Variants in EYS observed in about 807,000 individuals in gnomAD.
The protein encoded by EYS is protein eyes shut homolog.
Under a neutral mutation model 282.1 loss-of-function variants are expected in EYS, and 250 were observed. The ratio of observed to expected loss-of-function variants is 0.89; its 90% CI spans 0.80 to 0.98. EYS has a LOEUF of 0.98. Among genes scored for constraint, EYS ranks in the 50% least tolerant of loss-of-function variants. EYS has a pLI of 0.00. For missense variants in EYS, 4,016 were observed against 3,709.0 expected (o/e 1.08, Z -2.15); for synonymous variants, 1,355 against 1,282.9 (o/e 1.06, Z -1.20).
intron 5 of EYS, among the ~76,000 whole-genome samples, chr6:65,468,995 T>C (rs1765107789): frequency 6.6e-6 from 1 of 152,132 alleles, no homozygotes; most frequent in Non-Finnish European, 1.5e-5. Context: ...TGAATTTTTC[T>C]GTGAAACAAA....
In EYS at chr6:64,097,474, C is replaced by T. The variant is rs564361205; in HGVS notation, c.6425-15472G>A. The stretch of plus-strand genomic sequence containing the variant: ...GTTGCGGAGGCCCCTCCCTCAGCCT[C>T]GCTTCTACCTTGCAGTTTGATCTCA... On this transcript the variant is annotated intron_variant, in intron 31 of 42. Transcript: ENST00000503581. Among the ~76,000 whole-genome samples the T allele has an allele frequency of 3.9e-5, 6 of 152,262 alleles. No homozygotes were observed. In the South Asian group the frequency reaches 8.3e-4, roughly 21 times the overall value.
At chr6:64,525,782 G>T (rs1777898151) in intron 26 of EYS, among the ~76,000 whole-genome samples, 1 of 151,660 alleles carries the variant, frequency 6.6e-6, no homozygotes, top group Admixed American at 6.6e-5. Flanking sequence ...ATGTAAACAG[G>T]TACAGTCACT....
At chr6:65,070,654 G>A (rs974216780) in intron 12 of EYS, among the ~76,000 whole-genome samples, 1 of 151,714 alleles carries the variant, frequency 6.6e-6, no homozygotes. Flanking sequence ...CATTCTAGAT[G>A]AGACTTATTT....
rs1771905044 is a variant in EYS at position 65,012,492 on chromosome 6, C to T, written c.2138-14789G>A. On this transcript the variant is annotated intron_variant, in intron 13 of 42. Coordinates refer to ENST00000503581, the MANE Select transcript of EYS (RefSeq NM_001142800.2). ...GAAAATATACAGTCATCATTAAGTC[C>T]TTGAACTGCTTGGGTTTTCTCAGTA... 2.0e-5 allele frequency among the ~76,000 whole-genome samples: 3 copies of T among 152,132 alleles called. No homozygotes were observed. In the South Asian group the frequency reaches 6.2e-4, roughly 31 times the overall value.
intron 30 of EYS, among the ~76,000 whole-genome samples, chr6:64,242,823 T>C (rs1284202946): frequency 6.8e-6 from 1 of 147,294 alleles, no homozygotes; most frequent in African/African-American, 2.5e-5. Flanking sequence ...TTCAAGTTTT[T>C]AATATATATA....
chr6:64,027,775 G>T (rs1769604705), intron 33 of EYS, among the ~76,000 whole-genome samples: 1 of 152,160 alleles, frequency 6.6e-6, no homozygotes, highest in Non-Finnish European at 1.5e-5. Context: ...AGTTTCCCTG[G>T]GACAGAAGCC....
intron 13 of EYS, among the ~76,000 whole-genome samples, chr6:65,013,822 G>A (rs1278173114): frequency 6.6e-6 from 1 of 152,126 alleles, no homozygotes; most frequent in African/African-American, 2.4e-5. Context: ...CTGTGATTGA[G>A]CCACTGCATT....
intron 5 of EYS, among the ~76,000 whole-genome samples, chr6:65,442,157 C>G (rs896042800): frequency 2.0e-5 from 3 of 151,782 alleles, no homozygotes; most frequent in African/African-American, 7.3e-5. Flanking sequence ...TATAATTTTT[C>G]TAATAATTAG....
chr6:64,784,684 T>G (rs1460218981), intron 22 of EYS, among the ~76,000 whole-genome samples: 2 of 152,190 alleles, frequency 1.3e-5, no homozygotes, highest in Non-Finnish European at 2.9e-5. Context: ...TTGTTGTTGT[T>G]TGGATTTCTA....
chr6:65,513,014 A>G (rs1766958934), intron 2 of EYS, among the ~76,000 whole-genome samples: 1 of 152,210 alleles, frequency 6.6e-6, no homozygotes, highest in South Asian at 2.1e-4. Context: ...GGTTTTTTGA[A>G]AGGATCAACA....
At chr6:64,582,299 C>A (rs563157875) in intron 26 of EYS, among the ~76,000 whole-genome samples, 109 of 152,226 alleles carry the variant, frequency 7.2e-4, no homozygotes, top group African/African-American at 2.5e-3. Context: ...TGGAGGTGAA[C>A]CCCGTTGTGA....
rs181677088 is a variant in EYS at position 64,130,087 on chromosome 6, C to T, written c.6425-48085G>A. On this transcript the variant is annotated intron_variant, in intron 31 of 42. Coordinates refer to ENST00000503581, the MANE Select transcript of EYS (RefSeq NM_001142800.2). ...GTGATGCCTCCAGCTCCTCAGGGAT[C>T]TAGAACTGGAAATACCATTTGACCC... is the stretch of plus-strand genomic sequence containing the variant. Among the ~76,000 whole-genome samples, 610 of 152,256 alleles carry T rather than the reference C, an allele frequency of 4.0e-3. 4 individuals carry two copies. The highest frequency in any genetic ancestry group is 6.4e-3 in the Non-Finnish European group (434 of 68,018).
chr6:64,564,341 G>A (rs1330893558), intron 26 of EYS, among the ~76,000 whole-genome samples: 2 of 140,242 alleles, frequency 1.4e-5, no homozygotes, highest in East Asian at 4.2e-4. Flanking sequence ...CAGTGGCGTG[G>A]ATCTCGGCTC....
intron 13 of EYS, among the ~76,000 whole-genome samples, chr6:65,010,129 A>G (rs2150132700): frequency 6.6e-6 from 1 of 152,352 alleles, no homozygotes; most frequent in African/African-American, 2.4e-5. Flanking sequence ...ATGTCACAGA[A>G]AAGAACAGGA....
chr6:64,456,972 ATGT>A (rs991192768), intron 26 of EYS, among the ~76,000 whole-genome samples: 1 of 151,992 alleles, frequency 6.6e-6, no homozygotes, highest in Non-Finnish European at 1.5e-5. Flanking sequence ...TGTAAAGCCA[ATGT>A]TATTATGACC....
chr6:65,511,609 G>A (rs967988332), intron 2 of EYS, among the ~76,000 whole-genome samples: 4 of 151,962 alleles, frequency 2.6e-5, no homozygotes, highest in African/African-American at 9.7e-5. Context: ...TTCCCAGGTA[G>A]GTACAATTTT....
intron 12 of EYS, among the ~76,000 whole-genome samples, chr6:65,293,735 A>G (rs1490175348): frequency 3.3e-5 from 5 of 151,924 alleles, no homozygotes; most frequent in Non-Finnish European, 5.9e-5. Flanking sequence ...CGTGGGGCCA[A>G]TAACTGGTGT....
chr6:63,915,895 C>A lies in EYS; in HGVS notation c.7056-51537G>T, dbSNP rs542048732. ...TGTGAAGTTGCTTCTTATGAATGAG[C>A]AAAGATGTTGGTCCCTTGAGATGGA... On this transcript the variant is annotated intron_variant, in intron 35 of 42. Transcript: ENST00000503581. Among the ~76,000 whole-genome samples the A allele has an allele frequency of 2.0e-5, 3 of 152,240 alleles. No individual in the cohort carries two copies. In the East Asian group the frequency reaches 5.8e-4, roughly 29 times the overall value.
intron 12 of EYS, among the ~76,000 whole-genome samples, chr6:65,235,143 A>C (rs998935329): frequency 6.6e-6 from 1 of 152,232 alleles, no homozygotes; most frequent in Non-Finnish European, 1.5e-5. Flanking sequence ...CCTAAGCTAG[A>C]TGTTCTGCCT....
Sources: allele counts gnomAD v4.1 joint callset (sites outside exome capture counted in the v4.1 genomes callset), GRCh38; gene constraint gnomAD v4.1.1; transcripts MANE v1.5; gene names NCBI Gene and HGNC (gene_info 2026-07-23, HGNC 2026-07-21).